BNC2: variants seen among roughly 807,000 people sequenced by gnomAD.
The protein encoded by BNC2 is zinc finger protein basonuclin-2.
BNC2 carries 20 observed loss-of-function variants against 76.3 expected under a neutral mutation model. The ratio of observed to expected loss-of-function variants is 0.26; its 90% CI spans 0.18 to 0.38. BNC2 has a LOEUF of 0.38. Ranked by LOEUF, BNC2 falls within the 10% of genes least tolerant of loss-of-function variation. The pLI is 1.00. For synonymous variants in BNC2, 582 were observed against 514.8 expected, an observed-to-expected ratio of 1.13 and a Z score of -1.77; for missense variants, 1,382 against 1,399.8, an observed-to-expected ratio of 0.99 and a Z score of 0.20.
chr9:16,547,521 A>T lies in BNC2; in HGVS notation c.669+5009T>A, dbSNP rs1456807824. Among the ~76,000 whole-genome samples the T allele has an allele frequency of 2.6e-5, 4 of 152,230 alleles. No homozygotes were observed. The East Asian group carries it at 5.8e-4, about 22-fold the overall frequency. ...CCCTAGTGAGGAGGCCAGAAAAATA[A>T]ACATTTTAACAGTTGACTTAATTGA... On this transcript the variant is annotated intron_variant, in intron 5 of 6. Transcript: ENST00000380672.
intron 3 of BNC2, among the ~76,000 whole-genome samples, chr9:16,708,745 A>C (rs1823751202): frequency 6.6e-6 from 1 of 152,098 alleles, no homozygotes; most frequent in Non-Finnish European, 1.5e-5. Context: ...AAGAAAAGGA[A>C]GACCGAAGGA....
intron 5 of BNC2, among the ~76,000 whole-genome samples, chr9:16,478,656 G>A (rs1821978798): frequency 6.6e-6 from 1 of 152,140 alleles, no homozygotes; most frequent in Non-Finnish European, 1.5e-5. Flanking sequence ...TAAGAGGAAA[G>A]GACCATTAGA....
chr9:16,844,547 G>C (rs908256389), intron 1 of BNC2, among the ~76,000 whole-genome samples: 1 of 145,058 alleles, frequency 6.9e-6, no homozygotes, highest in African/African-American at 2.6e-5. Context: ...ACCCAGGCTG[G>C]AGTGCAGTGG....
chr9:16,436,553 G>T lies in BNC2; in HGVS notation c.1641C>A (p.Asp547Glu). The T allele has an allele frequency of 3.7e-6, 6 of 1,614,136 alleles. No homozygotes were observed. Among genetic ancestry groups the T allele is most frequent in the Non-Finnish European group, 4.2e-6 (5 of 1,180,028 alleles). ...PPMGFTTPPL[D>E]PVLQNPLPSQ... ...TAGGGAGAGGATTTTGCAAGACAGG[G>T]TCTAGAGGGGGAGTGGTAAAACCCA... The change falls in exon 6 of 7, where the codon GAC becomes GAA. Residue 547 changes from aspartate (D) to glutamate (E), a missense_variant. Physicochemically the swap from Asp to Glu is conservative, Grantham distance 45 (BLOSUM62 2). Coordinates refer to ENST00000380672, the MANE Select transcript of BNC2 (RefSeq NM_017637.6).
chr9:16,828,095 C>A (rs980221692), intron 1 of BNC2, among the ~76,000 whole-genome samples: 1 of 152,160 alleles, frequency 6.6e-6, no homozygotes, highest in African/African-American at 2.4e-5. Flanking sequence ...CAAAATCCTA[C>A]ACAAAATGTA....
At chr9:16,851,191 C>T (rs1219987750) in intron 1 of BNC2, among the ~76,000 whole-genome samples, 1 of 152,166 alleles carries the variant, frequency 6.6e-6, no homozygotes, top group Non-Finnish European at 1.5e-5. Context: ...TATAAAATCT[C>T]ATTTCACTTA....
intron 1 of BNC2, among the ~76,000 whole-genome samples, chr9:16,855,357 T>A (rs1024918931): frequency 2.0e-5 from 3 of 152,232 alleles, no homozygotes; most frequent in Admixed American, 6.5e-5. Context: ...CTACTTCATC[T>A]GTAATACCTA....
rs544027722 is a variant in BNC2 at position 16,836,311 on chromosome 9, G to T, written c.3+34335C>A. On this transcript the variant is annotated intron_variant, in intron 1 of 6. Coordinates refer to ENST00000380672, the MANE Select transcript of BNC2 (RefSeq NM_017637.6). ...TGATTTAAATGAAGAATCAGAGGTC[G>T]TTTTTTTAGGGTATAATCAATTATT... 6.6e-5 allele frequency among the ~76,000 whole-genome samples: 10 copies of T among 151,980 alleles called. No individual in the cohort carries two copies. The East Asian group carries it at 1.9e-3, about 29-fold the overall frequency.
intron 5 of BNC2, among the ~76,000 whole-genome samples, chr9:16,442,154 C>T (rs1421683273): frequency 6.6e-6 from 1 of 152,092 alleles, no homozygotes; most frequent in Non-Finnish European, 1.5e-5. Flanking sequence ...AAGATTTACC[C>T]TGTTAAGTTA....
At chr9:16,639,655 G>C (rs1458536859) in intron 3 of BNC2, among the ~76,000 whole-genome samples, 2 of 152,008 alleles carry the variant, frequency 1.3e-5, no homozygotes, top group Admixed American at 6.6e-5. Context: ...ACTGGCTCAT[G>C]CCTGTAATCC....
intron 5 of BNC2, among the ~76,000 whole-genome samples, chr9:16,445,486 T>C (rs1417867463): frequency 6.6e-6 from 1 of 152,140 alleles, no homozygotes; most frequent in Admixed American, 6.6e-5. Flanking sequence ...ATGGTTCAAA[T>C]TAGAACTTTT....
chr9:16,457,097 T>C (rs1821468171), intron 5 of BNC2, among the ~76,000 whole-genome samples: 2 of 152,158 alleles, frequency 1.3e-5, no homozygotes, highest in South Asian at 4.1e-4. Context: ...ATAAATGAAT[T>C]TGCAGTAATA....
intron 1 of BNC2, among the ~76,000 whole-genome samples, chr9:16,819,401 G>T (rs746065539): frequency 6.6e-6 from 1 of 152,166 alleles, no homozygotes; most frequent in South Asian, 2.1e-4. Context: ...AATGGCTCAT[G>T]CCTGTAATCC....
At chr9:16,596,125 G>A (rs1820063123) in intron 3 of BNC2, among the ~76,000 whole-genome samples, 2 of 152,086 alleles carry the variant, frequency 1.3e-5, no homozygotes, top group African/African-American at 4.8e-5. Flanking sequence ...TTCATATGGT[G>A]CCTTTCTACA....
At chr9:16,650,647 A>G (rs2133944504) in intron 3 of BNC2, among the ~76,000 whole-genome samples, 1 of 152,276 alleles carries the variant, frequency 6.6e-6, no homozygotes. Flanking sequence ...TAAATATGTA[A>G]TACAGCTTTA....
intron 1 of BNC2, among the ~76,000 whole-genome samples, chr9:16,764,496 T>G (rs1268360568): frequency 6.6e-6 from 1 of 152,218 alleles, no homozygotes; most frequent in Non-Finnish European, 1.5e-5. Flanking sequence ...TATCCTGTCA[T>G]GTACCCAAAT....
intron 3 of BNC2, among the ~76,000 whole-genome samples, chr9:16,603,109 C>T (rs1820288566): frequency 6.6e-6 from 1 of 152,128 alleles, no homozygotes; most frequent in Non-Finnish European, 1.5e-5. Context: ...CTCCAATTGT[C>T]AAACCAGTAA....
chr9:16,641,597 G>A (rs1016028269), intron 3 of BNC2, among the ~76,000 whole-genome samples: 1 of 152,126 alleles, frequency 6.6e-6, no homozygotes, highest in East Asian at 1.9e-4. Flanking sequence ...GATTAATAAA[G>A]TATTCGGATG....
intron 3 of BNC2, among the ~76,000 whole-genome samples, chr9:16,594,002 A>G (rs1820000851): frequency 6.6e-6 from 1 of 152,130 alleles, no homozygotes; most frequent in Admixed American, 6.5e-5. Flanking sequence ...CACTAATGCA[A>G]TTTGAAAGAT....
Sources: allele counts gnomAD v4.1 joint callset (sites outside exome capture counted in the v4.1 genomes callset), GRCh38; gene constraint gnomAD v4.1.1; transcripts MANE v1.5; gene names NCBI Gene and HGNC (gene_info 2026-07-23, HGNC 2026-07-21).